Variants in BCKDHB observed in about 807,000 individuals in gnomAD.
BCKDHB encodes branched chain keto acid dehydrogenase E1 subunit beta, also known as 2-oxoisovalerate dehydrogenase subunit beta, mitochondrial.
Under a neutral mutation model 48.5 loss-of-function variants are expected in BCKDHB, and 41 were observed. The ratio of observed to expected loss-of-function variants is 0.85; its 90% CI spans 0.66 to 1.10. The LOEUF (loss-of-function observed/expected upper bound fraction) is 1.10. Among genes scored for constraint, BCKDHB ranks in the 50% least tolerant of loss-of-function variants. The pLI, the probability that BCKDHB is intolerant of heterozygous loss-of-function variation, is 0.00. For missense variants in BCKDHB, 496 were observed against 494.2 expected, an observed-to-expected ratio of 1.00 and a Z score of -0.03; for synonymous variants, 201 against 174.8, an observed-to-expected ratio of 1.15 and a Z score of -1.18.
At chr6:80,412,237 G>A in the BCKDHB span, among the ~76,000 whole-genome samples, 1 of 149,168 alleles carries the variant, frequency 6.7e-6, no homozygotes. Flanking sequence ...TCTGCCTCTT[G>A]GGTTCAAGTG....
At chr6:80,383,742 T>C in the BCKDHB span, among the ~76,000 whole-genome samples, 2 of 152,160 alleles carry the variant, frequency 1.3e-5, no homozygotes, top group Non-Finnish European at 2.9e-5. Flanking sequence ...GTATCTTTCC[T>C]ACTGTGTCCC....
intron 8 of BCKDHB, among the ~76,000 whole-genome samples, chr6:80,234,676 C>T (rs1278054366): frequency 1.3e-5 from 2 of 152,012 alleles, no homozygotes; most frequent in East Asian, 3.9e-4. Flanking sequence ...CCCAGCAATC[C>T]CACTGCTGGC....
intron 3 of BCKDHB, among the ~76,000 whole-genome samples, chr6:80,156,086 G>GT (rs1772033816): frequency 6.6e-6 from 1 of 151,820 alleles, no homozygotes; most frequent in Non-Finnish European, 1.5e-5. Context: ...CTGGGGTACT[G>GT]TTTCTTTAAC....
At chr6:80,139,880 T>G (rs1335681876) in intron 3 of BCKDHB, among the ~76,000 whole-genome samples, 2 of 152,226 alleles carry the variant, frequency 1.3e-5, no homozygotes, top group East Asian at 1.9e-4. Context: ...ATTGAATCTA[T>G]AAATTACCTT....
chr6:80,376,803 T>C, the BCKDHB span, among the ~76,000 whole-genome samples: 1 of 152,136 alleles, frequency 6.6e-6, no homozygotes, highest in Non-Finnish European at 1.5e-5. Flanking sequence ...CTTGTCTTGA[T>C]AGAGGAAGAA....
At chr6:80,347,806 A>G (rs1247556768), downstream of BCKDHB, among the ~76,000 whole-genome samples, 1 of 152,198 alleles carries the variant, frequency 6.6e-6, no homozygotes, top group African/African-American at 2.4e-5. Flanking sequence ...AATCTATGGC[A>G]TAAGACATAC....
At chr6:80,170,894 A>G (rs1043137811) in intron 5 of BCKDHB, among the ~76,000 whole-genome samples, 3 of 152,194 alleles carry the variant, frequency 2.0e-5, no homozygotes, top group African/African-American at 4.8e-5. Context: ...AGTTGCATGT[A>G]CTTTGAAAGT....
intron 6 of BCKDHB, among the ~76,000 whole-genome samples, chr6:80,199,878 C>A (rs1774305574): frequency 6.7e-6 from 1 of 150,050 alleles, no homozygotes. Context: ...TCAAGACCAG[C>A]CTGGCCAACA....
intron 9 of BCKDHB, among the ~76,000 whole-genome samples, chr6:80,322,172 C>G (rs809876): frequency 0.81 from 121,926 of 151,380 alleles, 49,982 homozygotes; most frequent in Admixed American, 0.89. Flanking sequence ...TACCATTCAT[C>G]AGGTCCATGG....
intron 9 of BCKDHB, 47 bp downstream of exon 9, chr6:80,273,268 T>A: frequency 7.0e-7 from 1 of 1,435,212 alleles, no homozygotes; most frequent in Non-Finnish European, 9.8e-7. Flanking sequence ...CAATTCCACA[T>A]GCCAATTCCA....
chr6:80,397,818 G>A, the BCKDHB span, among the ~76,000 whole-genome samples: 3 of 152,160 alleles, frequency 2.0e-5, no homozygotes, highest in East Asian at 5.8e-4. Context: ...GGCAGAGTTT[G>A]CAGTGAGCTG....
chr6:80,177,727 C>T (rs182347493), intron 6 of BCKDHB, among the ~76,000 whole-genome samples: 3 of 152,180 alleles, frequency 2.0e-5, no homozygotes, highest in Admixed American at 2.0e-4. Context: ...GTTATTTTCT[C>T]AAGTCTGGAG....
At chr6:80,230,439 A>C (rs867766878) in intron 8 of BCKDHB, among the ~76,000 whole-genome samples, 34 of 152,332 alleles carry the variant, frequency 2.2e-4, no homozygotes, top group African/African-American at 5.5e-4. Flanking sequence ...CTATTGCCTG[A>C]AATTAAAATT....
intron 8 of BCKDHB, among the ~76,000 whole-genome samples, chr6:80,248,777 C>A (rs1441921003): frequency 6.6e-6 from 1 of 152,038 alleles, no homozygotes; most frequent in Non-Finnish European, 1.5e-5. Flanking sequence ...AGTATAAATA[C>A]AGTAATTGAA....
rs1304667430 is a variant in BCKDHB at position 80,343,692 on chromosome 6, C to T, written c.1067C>T (p.Pro356Leu). ...QEECFLNLEAPISRVCGYDTP... is the reference protein window; with the variant it reads ...QEECFLNLEALISRVCGYDTP... Reference sequence around the variant, plus strand: ...GAATGTTTCTTGAACCTAGAGGCTCCTATATCAAGAGTATGTGGTTATGAC... The same window carrying T: ...GAATGTTTCTTGAACCTAGAGGCTCTTATATCAAGAGTATGTGGTTATGAC... Residue 356 changes from proline (P) to leucine (L), a missense_variant, in exon 10 of 10, where the codon CCT becomes CTT. Coordinates refer to ENST00000320393, the MANE Select transcript of BCKDHB (RefSeq NM_183050.4). The T allele has an allele frequency of 3.7e-6, 6 of 1,613,914 alleles. No individual in the cohort carries two copies. Among genetic ancestry groups the T allele is most frequent in the African/African-American group, 2.7e-5 (2 of 74,916 alleles).
At chr6:80,171,086 A>C (rs1042314150) in intron 5 of BCKDHB, among the ~76,000 whole-genome samples, 196 bp from the exon 6 acceptor site, 1 of 152,120 alleles carries the variant, frequency 6.6e-6, no homozygotes, top group South Asian at 2.1e-4. Context: ...CATCTGATAA[A>C]TATCTGTTGA....
At chr6:80,438,241 C>T in the BCKDHB span, among the ~76,000 whole-genome samples, 29 of 152,214 alleles carry the variant, frequency 1.9e-4, no homozygotes, top group Middle Eastern at 3.2e-3. Context: ...TGTTCTGCAA[C>T]GTATTTTTGT....
the BCKDHB span, among the ~76,000 whole-genome samples, chr6:80,415,629 T>G: frequency 6.6e-6 from 1 of 152,214 alleles, no homozygotes; most frequent in Non-Finnish European, 1.5e-5. Context: ...GCCTACTTGA[T>G]AAGGCTTGAT....
At chr6:80,153,610 G>C (rs1487867794) in intron 3 of BCKDHB, among the ~76,000 whole-genome samples, 1 of 152,058 alleles carries the variant, frequency 6.6e-6, no homozygotes, top group Non-Finnish European at 1.5e-5. Context: ...AAGTCCTGTT[G>C]GTTCTATAGT....
Sources: gnomAD v4.1 joint callset for allele counts (sites outside exome capture counted in the v4.1 genomes callset) on GRCh38, gnomAD v4.1.1 for gene constraint, MANE v1.5 for transcripts, NCBI Gene and HGNC (gene_info 2026-07-23, HGNC 2026-07-21) for gene names.